SOX5: variants seen among roughly 807,000 people sequenced by gnomAD.
The protein encoded by SOX5 is transcription factor SOX-5.
In SOX5, 9 loss-of-function variants were observed where a neutral mutation model predicts 92.0. That is an observed-to-expected ratio of 0.10 (90% CI 0.06 to 0.17). The LOEUF is 0.17. Ranked by LOEUF, SOX5 falls within the 10% of genes least tolerant of loss-of-function variation. The pLI, the probability that SOX5 is intolerant of heterozygous loss-of-function variation, is 1.00. For synonymous variants in SOX5, 344 were observed against 336.3 expected, an observed-to-expected ratio of 1.02 and a Z score of -0.25; for missense variants, 642 against 944.5, an observed-to-expected ratio of 0.68 and a Z score of 4.20.
intron 2 of SOX5, among the ~76,000 whole-genome samples, chr12:24,309,146 G>A (rs1257198921): frequency 6.6e-6 from 1 of 152,108 alleles, no homozygotes; most frequent in Non-Finnish European, 1.5e-5. Context: ...CACAAACATG[G>A]CCATATTCTT....
chr12:24,366,636 C>T (rs1956203018), intron 2 of SOX5, among the ~76,000 whole-genome samples: 1 of 152,076 alleles, frequency 6.6e-6, no homozygotes, highest in Admixed American at 6.6e-5. Context: ...TTCATACCAT[C>T]CTATTCCATA....
In SOX5 at chr12:24,177,863, T is replaced by C. The variant is rs142200918; in HGVS notation, c.-2+35480A>G. On this transcript the variant is annotated intron_variant, in intron 4 of 4. Transcript: ENST00000446891. The stretch of plus-strand genomic sequence containing the variant: ...GAGTCTTTCTCATTCAAAAGATGCA[T>C]TGCGATAATTGACCCAGGACTTTGT... Among the ~76,000 whole-genome samples the C allele has an allele frequency of 3.3e-5, 5 of 152,280 alleles. No individual in the cohort carries two copies. The East Asian group carries it at 7.7e-4, about 24-fold the overall frequency.
intron 1 of SOX5, among the ~76,000 whole-genome samples, chr12:23,930,600 C>T (rs1164718395): frequency 2.6e-5 from 4 of 151,660 alleles, no homozygotes; most frequent in Admixed American, 2.0e-4. Flanking sequence ...TTATTAGGTA[C>T]TCAAAAGGTG....
intron 4 of SOX5, among the ~76,000 whole-genome samples, chr12:24,182,563 G>A (rs560361221): frequency 6.6e-6 from 1 of 151,682 alleles, no homozygotes; most frequent in East Asian, 1.9e-4. Flanking sequence ...ACATGCTATT[G>A]GGACTCTTTT....
intron 12 of SOX5, among the ~76,000 whole-genome samples, chr12:23,544,260 G>A (rs920073196): frequency 6.6e-6 from 1 of 152,156 alleles, no homozygotes; most frequent in Non-Finnish European, 1.5e-5. Flanking sequence ...CCAGCCTTAT[G>A]TGACCCCTTA....
intron 11 of SOX5, among the ~76,000 whole-genome samples, chr12:23,549,850 G>GA (rs1479942954): frequency 6.6e-6 from 1 of 151,888 alleles, no homozygotes; most frequent in Non-Finnish European, 1.5e-5. Context: ...AAACAGACTT[G>GA]AAAAAATCTT....
intron 7 of SOX5, among the ~76,000 whole-genome samples, chr12:23,654,696 A>G (rs2082096678): frequency 6.6e-6 from 1 of 152,064 alleles, no homozygotes; most frequent in Non-Finnish European, 1.5e-5. Flanking sequence ...AGGAATTTCG[A>G]AATGTGGAAG....
chr12:24,172,892 A>G (rs1954362668), intron 4 of SOX5, among the ~76,000 whole-genome samples: 1 of 152,210 alleles, frequency 6.6e-6, no homozygotes, highest in East Asian at 1.9e-4. Flanking sequence ...CTAAATCTTT[A>G]TTATTTTCCC....
intron 3 of SOX5, among the ~76,000 whole-genome samples, chr12:23,787,747 T>G (rs1442105713): frequency 6.6e-6 from 1 of 151,946 alleles, no homozygotes; most frequent in African/African-American, 2.4e-5. Context: ...AGACTTCAAC[T>G]TAGTATAGGT....
chr12:24,146,791 T>G (rs2138754068), intron 4 of SOX5, among the ~76,000 whole-genome samples: 1 of 148,658 alleles, frequency 6.7e-6, no homozygotes, highest in Middle Eastern at 3.5e-3. Context: ...GGAATGAAAG[T>G]AGGAACATCA....
chr12:23,911,765 T>C (rs2097354445), intron 1 of SOX5, among the ~76,000 whole-genome samples: 3 of 152,100 alleles, frequency 2.0e-5, no homozygotes, highest in Admixed American at 1.3e-4. Flanking sequence ...TCTAGGTGCT[T>C]TCCATGTATT....
At chr12:24,486,408 G>A (rs576368040) in intron 1 of SOX5, among the ~76,000 whole-genome samples, 2 of 152,144 alleles carry the variant, frequency 1.3e-5, no homozygotes, top group African/African-American at 2.4e-5. Flanking sequence ...TCTGATTAAA[G>A]CCAACTCCAA....
intron 8 of SOX5, among the ~76,000 whole-genome samples, chr12:23,629,912 A>T (rs2078315430): frequency 1.3e-5 from 2 of 151,964 alleles, no homozygotes; most frequent in Admixed American, 6.6e-5. Flanking sequence ...AAAATAATTC[A>T]CTTTCATATT....
chr12:24,554,676 G>A (rs905380857), intron 1 of SOX5, among the ~76,000 whole-genome samples: 1 of 152,096 alleles, frequency 6.6e-6, no homozygotes, highest in Non-Finnish European at 1.5e-5. Flanking sequence ...GAAACTCACA[G>A]GCTAAGTGGG....
In SOX5 at chr12:24,029,905, G is replaced by A. The variant is rs116260535; in HGVS notation, c.-1-133881C>T. ...GCAAGAGTAAAGAAATGTTAATATTGTAAACTAACCACATCTATGTAGCAC... is the reference window on the plus strand; with the variant it reads ...GCAAGAGTAAAGAAATGTTAATATTATAAACTAACCACATCTATGTAGCAC... On this transcript the variant is annotated intron_variant, in intron 4 of 4. Transcript: ENST00000446891. Among the ~76,000 whole-genome samples the A allele has an allele frequency of 2.5e-3, 386 of 152,076 alleles. 3 individuals carry two copies. The highest frequency in any genetic ancestry group is 8.8e-3 in the African/African-American group (367 of 41,518).
chr12:24,322,219 A>G (rs1950270195), intron 2 of SOX5, among the ~76,000 whole-genome samples: 1 of 152,194 alleles, frequency 6.6e-6, no homozygotes, highest in Non-Finnish European at 1.5e-5. Context: ...AGATAGTAAC[A>G]TGCTACACCG....
intron 1 of SOX5, among the ~76,000 whole-genome samples, chr12:24,395,615 A>G (rs934183929): frequency 1.3e-5 from 2 of 152,224 alleles, no homozygotes; most frequent in African/African-American, 4.8e-5. Context: ...GTGTAAACAA[A>G]ATGAAAATAT....
At chr12:24,060,995 T>C (rs1939575714) in intron 4 of SOX5, among the ~76,000 whole-genome samples, 1 of 152,198 alleles carries the variant, frequency 6.6e-6, no homozygotes, top group African/African-American at 2.4e-5. Flanking sequence ...ATTCAGATTG[T>C]GTTTCTGTCA....
chr12:23,582,602 C>T (rs1950201397), intron 9 of SOX5, among the ~76,000 whole-genome samples: 1 of 152,042 alleles, frequency 6.6e-6, no homozygotes, highest in East Asian at 1.9e-4. Context: ...TGCAAAATGC[C>T]TTGTTAATCA....
Sources: allele counts gnomAD v4.1 joint callset (sites outside exome capture counted in the v4.1 genomes callset), GRCh38; gene constraint gnomAD v4.1.1; transcripts MANE v1.5; gene names NCBI Gene and HGNC (gene_info 2026-07-23, HGNC 2026-07-21).